Variants in AJAP1 observed in about 807,000 individuals in gnomAD.
The protein encoded by AJAP1 is adherens junction-associated protein 1.
Under a neutral mutation model 35.0 loss-of-function variants are expected in AJAP1, and 5 were observed. That is an observed-to-expected ratio of 0.14 (90% CI 0.07 to 0.30). AJAP1 has a LOEUF of 0.30. Among genes scored for constraint, AJAP1 ranks in the 10% least tolerant of loss-of-function variants. AJAP1 has a pLI of 1.00. For missense variants in AJAP1, 586 were observed against 571.0 expected (o/e 1.03, Z -0.27); for synonymous variants, 284 against 249.3 (o/e 1.14, Z -1.31).
intron 1 of AJAP1, among the ~76,000 whole-genome samples, chr1:4,663,884 C>G (rs1201224530): frequency 6.6e-6 from 1 of 152,134 alleles, no homozygotes; most frequent in Non-Finnish European, 1.5e-5. Context: ...AAGGGTGACT[C>G]CAGTACTGCA....
At chr1:4,668,771 G>A (rs1391043826) in intron 1 of AJAP1, among the ~76,000 whole-genome samples, 1 of 152,214 alleles carries the variant, frequency 6.6e-6, no homozygotes, top group East Asian at 1.9e-4. Flanking sequence ...CACATCCAGG[G>A]TTAATGCCCA....
intron 1 of AJAP1, among the ~76,000 whole-genome samples, chr1:4,674,783 CTGCT>C (rs1158262529): frequency 1.3e-5 from 2 of 152,228 alleles, no homozygotes; most frequent in Non-Finnish European, 2.9e-5. Context: ...TCTGCTCTGC[CTGCT>C]TGTCTCGTGT....
intron 1 of AJAP1, among the ~76,000 whole-genome samples, chr1:4,674,853 C>T (rs971807132): frequency 2.6e-5 from 4 of 152,360 alleles, no homozygotes; most frequent in South Asian, 2.1e-4. Context: ...CATCTGCACG[C>T]GCCTATTTCT....
intron 2 of AJAP1, among the ~76,000 whole-genome samples, chr1:4,761,331 C>T (rs1049268042): frequency 6.6e-6 from 1 of 152,210 alleles, no homozygotes; most frequent in Non-Finnish European, 1.5e-5. Flanking sequence ...GACTTGTCCC[C>T]TGGGCTCTCT....
intron 2 of AJAP1, among the ~76,000 whole-genome samples, chr1:4,749,386 C>T (rs994650461): frequency 1.3e-5 from 2 of 152,334 alleles, no homozygotes; most frequent in South Asian, 4.1e-4. Flanking sequence ...AGCGTTCCTT[C>T]CACTGACCCT....
chr1:4,711,323 G>T (rs1192137867), intron 1 of AJAP1: 2 of 152,254 alleles, frequency 1.3e-5, no homozygotes, highest in Non-Finnish European at 2.9e-5. Context: ...GCTGGGAAGC[G>T]CCTGCGCTCA....
rs529201023 is a variant in AJAP1, at chr1:4,727,392, G to A, written c.829+14693G>A. On this transcript the variant is annotated intron_variant, in intron 2 of 5. Coordinates refer to ENST00000378191, the MANE Select transcript of AJAP1 (RefSeq NM_018836.4). ...GCCCTCTCCTGTGGGGGACAGTGCG[G>A]AGAAAGCTAATGTCTCCCTTAAATG... 5.4e-4 allele frequency among the ~76,000 whole-genome samples: 83 copies of A among 152,340 alleles called. 2 individuals are homozygous for A. In the South Asian group the frequency reaches 0.017, roughly 31 times the overall value.
At chr1:4,660,481 A>G (rs1638978145) in intron 1 of AJAP1, among the ~76,000 whole-genome samples, 1 of 151,446 alleles carries the variant, frequency 6.6e-6, no homozygotes, top group East Asian at 1.9e-4. Flanking sequence ...AATCTCGGTG[A>G]GGGGTACACA....
intron 2 of AJAP1, among the ~76,000 whole-genome samples, chr1:4,763,930 C>G (rs1435433241): frequency 5.3e-5 from 8 of 151,476 alleles, no homozygotes; most frequent in Non-Finnish European, 1.2e-4. Flanking sequence ...TCTCCCCACA[C>G]CTTCCAAGGT....
At chr1:4,684,391 G>A (rs1470166907) in intron 1 of AJAP1, among the ~76,000 whole-genome samples, 1 of 152,094 alleles carries the variant, frequency 6.6e-6, no homozygotes, top group African/African-American at 2.4e-5. Flanking sequence ...CTTTATGAGT[G>A]TTCTGAGCGC....
At chr1:4,726,198 C>A (rs1269793167) in intron 2 of AJAP1, among the ~76,000 whole-genome samples, 2 of 152,094 alleles carry the variant, frequency 1.3e-5, no homozygotes, top group Non-Finnish European at 2.9e-5. Flanking sequence ...CAGGGGCAGG[C>A]CCTGAATCCT....
chr1:4,679,222 A>G (rs1452774887), intron 1 of AJAP1, among the ~76,000 whole-genome samples: 1 of 152,184 alleles, frequency 6.6e-6, no homozygotes, highest in African/African-American at 2.4e-5. Flanking sequence ...GACAGTACTC[A>G]TCACCATGGG....
intron 1 of AJAP1, among the ~76,000 whole-genome samples, chr1:4,708,235 GGATTACAGGCGT>G (rs1402561222): frequency 6.6e-6 from 1 of 152,030 alleles, no homozygotes; most frequent in African/African-American, 2.4e-5. Context: ...CAAAGTGCTG[GGATTACAGGCGT>G]GAGCCACCAT....
intron 2 of AJAP1, among the ~76,000 whole-genome samples, chr1:4,737,222 G>A (rs1195974698): frequency 6.6e-6 from 1 of 152,128 alleles, no homozygotes. Flanking sequence ...CAGGCTGGGA[G>A]GAGGCTGGGG....
chr1:4,718,314 G>A (rs1256719837), intron 2 of AJAP1, among the ~76,000 whole-genome samples: 1 of 152,094 alleles, frequency 6.6e-6, no homozygotes, highest in African/African-American at 2.4e-5. Context: ...CTGTGTTGCA[G>A]GTCTTCTTGC....
chr1:4,725,981 G>A (rs920488784), intron 2 of AJAP1, among the ~76,000 whole-genome samples: 1 of 152,210 alleles, frequency 6.6e-6, no homozygotes, highest in African/African-American at 2.4e-5. Flanking sequence ...AATTTTTGGA[G>A]GACATAGCTC....
intron 1 of AJAP1, among the ~76,000 whole-genome samples, chr1:4,697,226 TG>T (rs1639884190): frequency 6.6e-6 from 1 of 152,250 alleles, no homozygotes; most frequent in Non-Finnish European, 1.5e-5. Flanking sequence ...TGCATTTGTG[TG>T]TCTGTGTGTG....
At chr1:4,683,887 A>C (rs1639542911) in intron 1 of AJAP1, among the ~76,000 whole-genome samples, 1 of 152,208 alleles carries the variant, frequency 6.6e-6, no homozygotes, top group African/African-American at 2.4e-5. Context: ...TGCTTAGGGC[A>C]GGGGGCACTG....
chr1:4,747,705 G>A (rs547540751), intron 2 of AJAP1, among the ~76,000 whole-genome samples: 1 of 152,270 alleles, frequency 6.6e-6, no homozygotes, highest in African/African-American at 2.4e-5. Flanking sequence ...AGCTTCCTTC[G>A]TTGGCCGGGC....
Sources: allele counts gnomAD v4.1 joint callset (sites outside exome capture counted in the v4.1 genomes callset), GRCh38; gene constraint gnomAD v4.1.1; transcripts MANE v1.5; gene names NCBI Gene and HGNC (gene_info 2026-07-23, HGNC 2026-07-21).